PRKCA: variants seen among roughly 807,000 people sequenced by gnomAD.
The protein encoded by PRKCA is protein kinase C alpha, also known as protein kinase C alpha type.
A neutral mutation model predicts 87.0 loss-of-function variants in PRKCA; 27 were observed. The ratio of observed to expected loss-of-function variants is 0.31; its 90% confidence interval spans 0.23 to 0.43. PRKCA has a LOEUF of 0.43. Among genes scored for constraint, PRKCA ranks in the 20% least tolerant of loss-of-function variants. PRKCA has a pLI of 1.00. For synonymous variants in PRKCA, 329 were observed against 311.1 expected (o/e 1.06, Z -0.61); for missense variants, 518 against 852.3 (o/e 0.61, Z 4.88).
intron 3 of PRKCA, among the ~76,000 whole-genome samples, chr17:66,557,414 G>A (rs2143270868): frequency 6.6e-6 from 1 of 150,502 alleles, no homozygotes; most frequent in East Asian, 2.0e-4. Flanking sequence ...TGATCCCACA[G>A]TTGCTCTTTG....
intron 14 of PRKCA, among the ~76,000 whole-genome samples, chr17:66,781,878 TATATATATA>T (rs1475254835): frequency 7.0e-6 from 1 of 143,006 alleles, no homozygotes; most frequent in Non-Finnish European, 1.5e-5. Flanking sequence ...GATATATATA[TATATATATA>T]GTGTGTGTGT....
At chr17:66,380,451 G>A (rs866513074) in intron 2 of PRKCA, among the ~76,000 whole-genome samples, 64 of 152,136 alleles carry the variant, frequency 4.2e-4, no homozygotes, top group African/African-American at 1.4e-3. Flanking sequence ...AAAAGGGTTG[G>A]AATAAACCTG....
chr17:66,764,339 A>G (rs557391432), intron 13 of PRKCA, among the ~76,000 whole-genome samples: 33 of 152,286 alleles, frequency 2.2e-4, no homozygotes, highest in Non-Finnish European at 4.4e-4. Flanking sequence ...CTGGAGTCCC[A>G]TCCTCTCTGG....
intron 2 of PRKCA, among the ~76,000 whole-genome samples, chr17:66,336,792 G>C (rs1003763820): frequency 1.4e-5 from 2 of 142,340 alleles, no homozygotes; most frequent in East Asian, 4.0e-4. Flanking sequence ...GTGTGTGTGT[G>C]TGTGTGTGTG....
At chr17:66,464,606 A>AT (rs1339577342) in intron 2 of PRKCA, among the ~76,000 whole-genome samples, 2 of 152,138 alleles carry the variant, frequency 1.3e-5, no homozygotes, top group Non-Finnish European at 2.9e-5. Context: ...TAATTTGCAG[A>AT]TCCCTAATGA....
intron 3 of PRKCA, among the ~76,000 whole-genome samples, chr17:66,504,196 GAAGGTTACA>G (rs975036709): frequency 1.1e-4 from 17 of 152,178 alleles, no homozygotes; most frequent in African/African-American, 4.1e-4. Flanking sequence ...CCTGTACTGT[GAAGGTTACA>G]AAGGTAAAGA....
At chr17:66,519,701 G>A (rs982871928) in intron 3 of PRKCA, among the ~76,000 whole-genome samples, 1 of 152,200 alleles carries the variant, frequency 6.6e-6, no homozygotes, top group Non-Finnish European at 1.5e-5. Flanking sequence ...AGTTCTCAAA[G>A]GGGCTTGCCA....
intron 3 of PRKCA, among the ~76,000 whole-genome samples, chr17:66,556,259 T>G (rs957724911): frequency 6.6e-6 from 1 of 151,842 alleles, no homozygotes; most frequent in Non-Finnish European, 1.5e-5. Flanking sequence ...CATTTGTACC[T>G]GGAGTCATTT....
chr17:66,781,263 T>C (rs1337887992), intron 14 of PRKCA, among the ~76,000 whole-genome samples: 1 of 152,054 alleles, frequency 6.6e-6, no homozygotes, highest in African/African-American at 2.4e-5. Context: ...GGGAGCAACA[T>C]ATGACCAGCA....
At position 66,418,962 on chromosome 17, in the gene PRKCA, G is replaced by A. The variant is rs138778680; in HGVS notation, c.206-77239G>A. 2.3e-3 allele frequency among the ~76,000 whole-genome samples: 344 copies of A among 149,462 alleles called. 1 individual carries two copies. Among genetic ancestry groups the A allele is most frequent in the African/African-American group, 8.0e-3 (323 of 40,602 alleles). On this transcript the variant is annotated intron_variant, in intron 2 of 16. Coordinates refer to ENST00000413366, the MANE Select transcript of PRKCA (RefSeq NM_002737.3). ...TTTTTAGTAGAGAAGGGGTTTCACC[G>A]TGTTAGCCAGTATGGTCTTGATCTC...
At chr17:66,672,954 CTT>C (rs1972231858) in intron 5 of PRKCA, among the ~76,000 whole-genome samples, 1 of 152,110 alleles carries the variant, frequency 6.6e-6, no homozygotes. Context: ...TAGTTTTCTT[CTT>C]TATATTTTTA....
intron 3 of PRKCA, among the ~76,000 whole-genome samples, chr17:66,616,899 G>A (rs576453854): frequency 7.9e-5 from 12 of 152,146 alleles, no homozygotes; most frequent in Admixed American, 1.3e-4. Flanking sequence ...GGGTGGGGCC[G>A]TGGTCAGTTT....
chr17:66,694,943 A>G (rs1418409240), intron 8 of PRKCA, among the ~76,000 whole-genome samples: 2 of 152,098 alleles, frequency 1.3e-5, no homozygotes, highest in Non-Finnish European at 2.9e-5. Flanking sequence ...TACTTGGGCT[A>G]CATCTACCTT....
At chr17:66,651,675 C>T (rs530131405) in intron 5 of PRKCA, among the ~76,000 whole-genome samples, 106 of 152,198 alleles carry the variant, frequency 7.0e-4, no homozygotes, top group Non-Finnish European at 1.4e-3. Context: ...AGATCAGGAA[C>T]GTAGATGGTG....
At chr17:66,407,642 T>C (rs1911493853) in intron 2 of PRKCA, among the ~76,000 whole-genome samples, 2 of 152,186 alleles carry the variant, frequency 1.3e-5, no homozygotes, top group South Asian at 4.1e-4. Context: ...ACTGAAAATA[T>C]AGTTTGTATA....
intron 8 of PRKCA, among the ~76,000 whole-genome samples, chr17:66,723,793 A>T (rs1973675342): frequency 6.6e-6 from 1 of 152,194 alleles, no homozygotes; most frequent in Admixed American, 6.5e-5. Flanking sequence ...CTACTATATT[A>T]CAGATAAGGA....
At position 66,461,155 on chromosome 17, in the gene PRKCA, A is replaced by G. The variant is rs866246946; in HGVS notation, c.206-35046A>G. On this transcript the variant is annotated intron_variant, in intron 2 of 16. Transcript: ENST00000413366. ...CAGGAATTCGAGGCTGCGGTACGCT[A>G]TGTTCACGTCACTGCACTCCAGGCT... is the stretch of plus-strand genomic sequence containing the variant. 1.2e-4 allele frequency among the ~76,000 whole-genome samples: 17 copies of G among 145,836 alleles called. 1 individual carries two copies. Among genetic ancestry groups the G allele is most frequent in the Admixed American group, 7.8e-4 (11 of 14,030 alleles).
chr17:66,535,692 C>T (rs1334468127), intron 3 of PRKCA, among the ~76,000 whole-genome samples: 1 of 152,190 alleles, frequency 6.6e-6, no homozygotes, highest in Non-Finnish European at 1.5e-5. Context: ...CTTCTGAATC[C>T]TAGTGGGATC....
chr17:66,338,747 C>T (rs1906857511), intron 2 of PRKCA, among the ~76,000 whole-genome samples: 1 of 152,150 alleles, frequency 6.6e-6, no homozygotes, highest in Non-Finnish European at 1.5e-5. Context: ...TGTACTATAA[C>T]CAACCAATAA....
Sources: gnomAD v4.1 joint callset for allele counts (sites outside exome capture counted in the v4.1 genomes callset) on GRCh38, gnomAD v4.1.1 for gene constraint, MANE v1.5 for transcripts, NCBI Gene and HGNC (gene_info 2026-07-23, HGNC 2026-07-21) for gene names.